The following NCAM2 variants were observed in gnomAD, a reference collection of about 807,000 sequenced individuals.
NCAM2 encodes N-CAM-2.
In NCAM2, 30 loss-of-function variants were observed where a neutral mutation model predicts 98.1. The ratio of observed to expected loss-of-function variants is 0.31; its 90% CI spans 0.23 to 0.41. The LOEUF (loss-of-function observed/expected upper bound fraction) is 0.41, where lower values mean the gene tolerates loss of function less well. Among genes scored for constraint, NCAM2 ranks in the 10% least tolerant of loss-of-function variants. The pLI, the probability that NCAM2 is intolerant of heterozygous loss-of-function variation, is 1.00. For missense variants in NCAM2, 867 were observed against 1,005.8 expected (o/e 0.86, Z 1.87); for synonymous variants, 368 against 342.4 (o/e 1.07, Z -0.83).
rs756460695 is a variant in NCAM2, at chr21:21,517,718, C to T, written c.2282+8663C>T. Among the ~76,000 whole-genome samples, 72 of 151,908 alleles carry T rather than the reference C, an allele frequency of 4.7e-4. 1 individual carries two copies. The highest frequency in any genetic ancestry group is 6.0e-4 in the Non-Finnish European group (41 of 67,990). On this transcript the variant is annotated intron_variant, in intron 16 of 17. Transcript: ENST00000400546. ...ACTAAAAATACAAAAATTAGCTTGG[C>T]GTGGTGGTGCATGCCTGTAATCCCA...
At chr21:21,146,485 ACT>A (rs2067275991) in intron 1 of NCAM2, among the ~76,000 whole-genome samples, 1 of 150,086 alleles carries the variant, frequency 6.7e-6, no homozygotes, top group Non-Finnish European at 1.5e-5. Flanking sequence ...ACCAATATAT[ACT>A]CAATAGAATA....
intron 1 of NCAM2, among the ~76,000 whole-genome samples, chr21:21,171,125 A>G (rs1286222194): frequency 6.6e-6 from 1 of 152,202 alleles, no homozygotes; most frequent in Non-Finnish European, 1.5e-5. Context: ...CCATGCATTA[A>G]ACATTGGCTG....
chr21:21,156,411 A>G (rs1449650561), intron 1 of NCAM2, among the ~76,000 whole-genome samples: 3 of 151,998 alleles, frequency 2.0e-5, no homozygotes, highest in East Asian at 1.9e-4. Flanking sequence ...TGCCCTACCT[A>G]TTTAGTCTGG....
At chr21:21,337,747 T>G (rs2074912745) in intron 7 of NCAM2, among the ~76,000 whole-genome samples, 1 of 152,002 alleles carries the variant, frequency 6.6e-6, no homozygotes, top group Non-Finnish European at 1.5e-5. Flanking sequence ...AATTGATGAT[T>G]AAAAATTAGT....
intron 1 of NCAM2, among the ~76,000 whole-genome samples, chr21:21,026,912 A>G (rs1226347636): frequency 7.3e-6 from 1 of 136,200 alleles, no homozygotes; most frequent in East Asian, 2.1e-4. Context: ...ACTGGAGTGC[A>G]GTGGTGCAGT....
At chr21:21,495,427 A>G (rs1987155323) in intron 15 of NCAM2, among the ~76,000 whole-genome samples, 1 of 152,026 alleles carries the variant, frequency 6.6e-6, no homozygotes, top group Non-Finnish European at 1.5e-5. Context: ...CTGGACAGAC[A>G]TTTAATAGCC....
intron 1 of NCAM2, among the ~76,000 whole-genome samples, chr21:21,218,687 G>A (rs1276064731): frequency 6.6e-6 from 1 of 152,164 alleles, no homozygotes; most frequent in Non-Finnish European, 1.5e-5. Context: ...ACCTGGAAAA[G>A]GCAATAAGTG....
intron 1 of NCAM2, among the ~76,000 whole-genome samples, chr21:21,191,538 T>C (rs1225666920): frequency 1.3e-5 from 2 of 152,204 alleles, no homozygotes; most frequent in African/African-American, 4.8e-5. Flanking sequence ...TTAGTTTACA[T>C]ACATACAAAA....
intron 1 of NCAM2, among the ~76,000 whole-genome samples, chr21:21,197,253 C>T (rs1202530261): frequency 1.3e-5 from 2 of 152,332 alleles, no homozygotes; most frequent in East Asian, 3.9e-4. Flanking sequence ...CTTCAGCCTC[C>T]TGAGTAGCTG....
intron 1 of NCAM2, among the ~76,000 whole-genome samples, chr21:21,234,604 T>C (rs2070747855): frequency 6.6e-6 from 1 of 151,972 alleles, no homozygotes; most frequent in Non-Finnish European, 1.5e-5. Context: ...AATTTTATAA[T>C]AACTTTATTT....
intron 1 of NCAM2, among the ~76,000 whole-genome samples, chr21:21,168,449 T>TA (rs1352881629): frequency 2.6e-5 from 4 of 151,610 alleles, no homozygotes; most frequent in Non-Finnish European, 5.9e-5. Context: ...TGCTATGCAA[T>TA]AAAAAAATAG....
chr21:21,387,516 G>T (rs1402763045), intron 9 of NCAM2, among the ~76,000 whole-genome samples: 1 of 125,376 alleles, frequency 8.0e-6, no homozygotes, highest in African/African-American at 3.2e-5. Flanking sequence ...GGATATTCAA[G>T]ACAAAAAAAA....
chr21:21,198,421 A>G (rs949156611), intron 1 of NCAM2, among the ~76,000 whole-genome samples: 3 of 152,158 alleles, frequency 2.0e-5, no homozygotes, highest in African/African-American at 7.2e-5. Flanking sequence ...TGGAAAGAAA[A>G]TGATATAAAA....
chr21:21,315,439 T>A (rs9983827), intron 5 of NCAM2, among the ~76,000 whole-genome samples: 125,479 of 152,098 alleles, frequency 0.82, 52,002 homozygotes, highest in East Asian at 0.99. Context: ...CTTATTTATC[T>A]CTCTCTGCCC....
Position 21,508,808 on chromosome 21 carries a change from C to CTTTTTTTTT in NCAM2, c.2078-19_2078-11dup, listed in dbSNP as rs764097299. On this transcript the variant is annotated intron_variant, in intron 15 of 17. Transcript: ENST00000400546. ...ATTTAGAGGTTTAATACTTTTTTTC[C>CTTTTTTTTT]TTTTTTTTTTTTTTTTTTTTTTTTT... 2.9e-3 allele frequency: 1,183 copies of CTTTTTTTTT among 413,396 alleles called. 110 individuals carry two copies. The highest frequency in any genetic ancestry group is 4.5e-3 in the African/African-American group (133 of 29,378). The allele number at this position is 413,396 out of a possible 1,614,324, so 25.6% of individuals were successfully genotyped here.
chr21:21,447,835 C>T (rs1348136082), intron 12 of NCAM2, among the ~76,000 whole-genome samples: 1 of 152,034 alleles, frequency 6.6e-6, no homozygotes, highest in Non-Finnish European at 1.5e-5. Flanking sequence ...AAATCAAAAC[C>T]ATAATGAGAT....
intron 16 of NCAM2, among the ~76,000 whole-genome samples, chr21:21,523,758 A>G (rs1436729060): frequency 1.3e-5 from 2 of 152,070 alleles, no homozygotes; most frequent in East Asian, 1.9e-4. Context: ...AAATTCTTGA[A>G]CAACAAATAA....
At chr21:21,190,429 G>C (rs768303388) in intron 1 of NCAM2, among the ~76,000 whole-genome samples, 4 of 152,130 alleles carry the variant, frequency 2.6e-5, no homozygotes, top group Non-Finnish European at 4.4e-5. Context: ...CCAGGGGCAA[G>C]AGAAGAAATT....
intron 12 of NCAM2, among the ~76,000 whole-genome samples, chr21:21,457,504 G>T (rs578014471): frequency 2.0e-5 from 3 of 152,104 alleles, no homozygotes; most frequent in African/African-American, 7.2e-5. Flanking sequence ...GCTGGGCTTG[G>T]TGGCATGCGC....
Sources: gnomAD v4.1 joint callset for allele counts (sites outside exome capture counted in the v4.1 genomes callset) on GRCh38, gnomAD v4.1.1 for gene constraint, MANE v1.5 for transcripts, NCBI Gene and HGNC (gene_info 2026-07-23, HGNC 2026-07-21) for gene names.